PAFAH1B1: variants seen among roughly 807,000 people sequenced by gnomAD.
PAFAH1B1 encodes platelet activating factor acetylhydrolase 1b regulatory subunit 1, also known as platelet-activating factor acetylhydrolase IB subunit beta.
Under a neutral mutation model 57.5 loss-of-function variants are expected in PAFAH1B1, and 2 were observed. That is an observed-to-expected ratio of 0.03 (90% CI 0.01 to 0.11). The LOEUF is 0.11. Among genes scored for constraint, PAFAH1B1 ranks in the 10% least tolerant of loss-of-function variants. PAFAH1B1 has a pLI of 1.00. For synonymous variants in PAFAH1B1, 152 were observed against 169.6 expected, an observed-to-expected ratio of 0.90 and a Z score of 0.81; for missense variants, 257 against 512.0, an observed-to-expected ratio of 0.50 and a Z score of 4.81.
At chr17:2,640,312 A>G (rs2068678672) in intron 2 of PAFAH1B1, 1 of 147,364 alleles carries the variant, frequency 6.8e-6, no homozygotes, top group Non-Finnish European at 1.5e-5. Flanking sequence ...AGGATCAGGT[A>G]TTTCATTTAG....
chr17:2,648,328 C>T (rs961233804), intron 2 of PAFAH1B1, among the ~76,000 whole-genome samples: 25 of 152,144 alleles, frequency 1.6e-4, no homozygotes, highest in Non-Finnish European at 2.1e-4. Flanking sequence ...GGGGACACAG[C>T]CAAACCCTAT....
intron 5 of PAFAH1B1, chr17:2,667,437 C>T: frequency 4.5e-6 from 2 of 441,860 alleles, no homozygotes; most frequent in Non-Finnish European, 8.3e-6. Context: ...TGATTTGGTT[C>T]TAAATCTTAA....
In PAFAH1B1 at chr17:2,676,595, C is replaced by T; in HGVS notation, c.991C>T (p.Leu331Phe). 1.3e-6 allele frequency: 2 copies of T among 1,598,422 alleles called. No homozygotes were observed. Among genetic ancestry groups the T allele is most frequent in the Non-Finnish European group, 8.6e-7 (1 of 1,165,752 alleles). ...KMWDVSTGMCLMTLVGHDNWV... is the reference protein window; with the variant it reads ...KMWDVSTGMCFMTLVGHDNWV... The stretch of plus-strand genomic sequence containing the variant: ...GTGGGATGTCAGTACTGGCATGTGC[C>T]TTATGACCCTCGTAAGTTTGCATAA... Residue 331 changes from leucine to phenylalanine, a missense_variant, in exon 9 of 11, where the codon CTT becomes TTT. Transcript: ENST00000397195.
At position 2,593,693 on chromosome 17, in the gene PAFAH1B1, G is replaced by A. The variant is rs886052704; in HGVS notation, c.-504G>A. 6 of 306,714 alleles carry A rather than the reference G, an allele frequency of 2.0e-5. No individual in the cohort carries two copies. The allele number at this position is 306,714 out of a possible 1,614,324, so 19.0% of individuals were successfully genotyped here. A position where few individuals can be genotyped will look rare whatever the true frequency, so the allele number is the denominator to read the frequency against. On this transcript the variant is annotated 5_prime_UTR_variant, in exon 1 of 11. Coordinates refer to ENST00000397195, the MANE Select transcript of PAFAH1B1 (RefSeq NM_000430.4). The stretch of plus-strand genomic sequence containing the variant: ...CGGCGGGGCGGCGGCGGAGTCCGGC[G>A]GCCGGGAGAGCGAGTGAGCGAGCGG...
At chr17:2,611,843 T>TA (rs2068271239) in intron 1 of PAFAH1B1, among the ~76,000 whole-genome samples, 1 of 152,174 alleles carries the variant, frequency 6.6e-6, no homozygotes, top group Non-Finnish European at 1.5e-5. Context: ...GGCAGATAAT[T>TA]ACAGTGTATT....
chr17:2,618,954 CAAAAAAAA>C (rs34683975), intron 1 of PAFAH1B1, among the ~76,000 whole-genome samples: 4 of 76,264 alleles, frequency 5.2e-5, no homozygotes, highest in African/African-American at 9.7e-5. Flanking sequence ...GACTCCGTCT[CAAAAAAAA>C]AAAAAAAAAA....
chr17:2,614,401 T>A (rs2068311731), intron 1 of PAFAH1B1, among the ~76,000 whole-genome samples: 1 of 152,138 alleles, frequency 6.6e-6, no homozygotes. Context: ...CCACAAAACC[T>A]AAAATACTTA....
At chr17:2,674,325 T>A (rs1161732712) in intron 8 of PAFAH1B1, 37 bp downstream of exon 8, 3 of 1,475,012 alleles carry the variant, frequency 2.0e-6, no homozygotes, top group Non-Finnish European at 2.8e-6. Context: ...GTTTTATTGC[T>A]GATATCTGAA....
intron 2 of PAFAH1B1, chr17:2,639,538 G>A (rs559615877): frequency 4.7e-4 from 71 of 152,024 alleles, no homozygotes; most frequent in African/African-American, 1.6e-3. Context: ...CCACTCCCCC[G>A]CTTCACCTGA....
chr17:2,676,268 C>T (rs2069265944), intron 8 of PAFAH1B1: 1 of 449,544 alleles, frequency 2.2e-6, no homozygotes, highest in Non-Finnish European at 4.1e-6. Flanking sequence ...ATCACATCTA[C>T]TTGGGAGGCT....
intron 1 of PAFAH1B1, among the ~76,000 whole-genome samples, chr17:2,634,690 A>G (rs767360251): frequency 6.6e-6 from 1 of 151,682 alleles, no homozygotes; most frequent in African/African-American, 2.4e-5. Context: ...ATCTTATCTA[A>G]TGGCTCCCTA....
intron 2 of PAFAH1B1, 93 bp from the exon 3 acceptor site, chr17:2,665,279 A>G (rs895668466): frequency 1.4e-5 from 11 of 761,066 alleles, no homozygotes; most frequent in Admixed American, 1.0e-4. Flanking sequence ...TGAAAAGAGT[A>G]TCTTCAGGGT....
chr17:2,682,444 A>G lies in PAFAH1B1; in HGVS notation c.*642A>G, dbSNP rs2069398784. On this transcript the variant is annotated 3_prime_UTR_variant, in exon 11 of 11. Coordinates refer to ENST00000397195, the MANE Select transcript of PAFAH1B1 (RefSeq NM_000430.4). ...AGTGGTATATTTATGTAAGAAAATG[A>G]CTGTAAATCTCAAGAAAAATCTCAG... The G allele has an allele frequency of 6.5e-6, 1 of 152,672 alleles. No individual in the cohort carries two copies. Among genetic ancestry groups the G allele is most frequent in the African/African-American group, 2.4e-5 (1 of 41,470 alleles). The allele number at this position is 152,672 out of a possible 1,614,324, so 9.5% of individuals were successfully genotyped here.
rs1453279704 is a variant in PAFAH1B1 at position 2,684,105 on chromosome 17, G to C, written c.*2303G>C. 1 of 152,654 alleles carries C rather than the reference G, an allele frequency of 6.6e-6. No individual in the cohort carries two copies. The highest frequency in any genetic ancestry group is 2.4e-5 in the African/African-American group (1 of 41,454). The allele number at this position is 152,654 out of a possible 1,614,324, so 9.5% of individuals were successfully genotyped here. On this transcript the variant is annotated 3_prime_UTR_variant, in exon 11 of 11. Transcript: ENST00000397195. ...TATCCTTACTTGGGAGATTGCCACAGCCTGCTGCTGAGTTGAGTTACCAGA... is the reference window on the plus strand; with the variant it reads ...TATCCTTACTTGGGAGATTGCCACACCCTGCTGCTGAGTTGAGTTACCAGA...
chr17:2,684,732 C>G lies in PAFAH1B1; in HGVS notation c.*2930C>G, dbSNP rs2069447242. The G allele has an allele frequency of 6.6e-6, 1 of 152,562 alleles. No individual in the cohort carries two copies. Among genetic ancestry groups the G allele is most frequent in the South Asian group, 2.1e-4 (1 of 4,826 alleles). The allele number at this position is 152,562 out of a possible 1,614,324, so 9.5% of individuals were successfully genotyped here. ...GTGTGTGGTGTGACCAATGGTGTGC[C>G]CAGAGCACTACTCTCAAAATCACTA... is the stretch of plus-strand genomic sequence containing the variant. On this transcript the variant is annotated 3_prime_UTR_variant, in exon 11 of 11. Transcript: ENST00000397195.
intron 1 of PAFAH1B1, among the ~76,000 whole-genome samples, chr17:2,624,389 T>A (rs2151625268): frequency 1.3e-5 from 2 of 152,302 alleles, no homozygotes; most frequent in Middle Eastern, 6.8e-3. Flanking sequence ...ACTGTATTAG[T>A]TCGTTTTCTT....
At chr17:2,677,287 C>A (rs566541628) in intron 9 of PAFAH1B1, among the ~76,000 whole-genome samples, 2 of 152,128 alleles carry the variant, frequency 1.3e-5, no homozygotes, top group Non-Finnish European at 2.9e-5. Context: ...ACTGTTATAC[C>A]TCCTTGCTCA....
intron 5 of PAFAH1B1, among the ~76,000 whole-genome samples, chr17:2,668,100 G>A (rs1181417488): frequency 6.6e-6 from 1 of 151,886 alleles, no homozygotes; most frequent in African/African-American, 2.4e-5. Flanking sequence ...CGAGGCGGGT[G>A]GATTGCCTGA....
At chr17:2,639,983 G>T (rs1004071567) in intron 2 of PAFAH1B1, 1 of 152,148 alleles carries the variant, frequency 6.6e-6, no homozygotes, top group South Asian at 2.1e-4. Flanking sequence ...TTAGCACAAA[G>T]CATACTAATG....
Sources: gnomAD v4.1 joint callset for allele counts (sites outside exome capture counted in the v4.1 genomes callset) on GRCh38, gnomAD v4.1.1 for gene constraint, MANE v1.5 for transcripts, NCBI Gene and HGNC (gene_info 2026-07-23, HGNC 2026-07-21) for gene names.